Variants in CECR2 observed in about 807,000 individuals in gnomAD.
The protein encoded by CECR2 is chromatin remodeling regulator CECR2.
CECR2 carries 30 observed loss-of-function variants against 154.5 expected under a neutral mutation model. The observed-to-expected ratio is 0.19, with a 90% CI of 0.15 to 0.26. The LOEUF is 0.26. CECR2 is among the 10% of genes least tolerant of loss of function. CECR2 has a pLI of 1.00. For missense variants in CECR2, 1,743 were observed against 1,829.3 expected, an observed-to-expected ratio of 0.95 and a Z score of 0.86; for synonymous variants, 725 against 683.7, an observed-to-expected ratio of 1.06 and a Z score of -0.94.
Position 17,505,832 on chromosome 22 carries a change from C to T in CECR2, c.870+816C>T, listed in dbSNP as rs1294568407. ...GATTACAGGTGTGAGCCACTGCACC[C>T]GGCTTTTTTTTTTTTTTTTTTTTTT... On this transcript the variant is annotated intron_variant, in intron 7 of 18. Transcript: ENST00000262608. 2.4e-4 allele frequency among the ~76,000 whole-genome samples: 32 copies of T among 135,094 alleles called. 1 individual carries two copies. Among genetic ancestry groups the T allele is most frequent in the Admixed American group, 5.3e-4 (7 of 13,204 alleles). 88.6% of individuals were successfully genotyped at this position (135,094 alleles called of 152,430 possible).
chr22:17,397,887 A>G (rs1427643900), intron 1 of CECR2, among the ~76,000 whole-genome samples: 1 of 152,154 alleles, frequency 6.6e-6, no homozygotes, highest in Non-Finnish European at 1.5e-5. Flanking sequence ...GATGCTTAGT[A>G]TTGTTTGGAA....
chr22:17,398,077 T>C (rs2053839137), intron 1 of CECR2, among the ~76,000 whole-genome samples: 1 of 152,182 alleles, frequency 6.6e-6, no homozygotes, highest in African/African-American at 2.4e-5. Flanking sequence ...CATTTTCATT[T>C]TGACATTTAT....
chr22:17,548,598 C>A lies in CECR2; in HGVS notation c.3311C>A (p.Thr1104Lys). 1 of 1,613,608 alleles carries A rather than the reference C, an allele frequency of 6.2e-7. No individual in the cohort carries two copies. The highest frequency in any genetic ancestry group is 8.5e-7 in the Non-Finnish European group (1 of 1,179,750). The change falls in exon 17 of 19, where the codon ACA becomes AAA. Residue 1104 changes from threonine (T) to lysine (K), a missense_variant. Physicochemically the swap from Thr to Lys is moderately conservative, Grantham distance 78. Around this residue, in one of 4 missense-constraint regions of CECR2, gnomAD observed 1,250 missense variants for 1,192.1 expected, o/e 1.05. Coordinates refer to ENST00000262608, the MANE Select transcript of CECR2 (RefSeq NM_001290047.2). ...TGQNAATPPSTDPGLTGGTVS... is the reference protein window; with the variant it reads ...TGQNAATPPSKDPGLTGGTVS... ...CAGAACGCAGCGACACCGCCCAGCA[C>A]AGACCCCGGTTTGACGGGAGGCACT...
intron 8 of CECR2, among the ~76,000 whole-genome samples, chr22:17,520,797 T>C (rs1263213375): frequency 6.6e-6 from 1 of 152,188 alleles, no homozygotes; most frequent in Non-Finnish European, 1.5e-5. Flanking sequence ...CCATGGTGTA[T>C]ATGTGCCTCA....
chr22:17,419,541 GAGGA>G (rs2054211716), intron 1 of CECR2: 2 of 203,502 alleles, frequency 9.8e-6, no homozygotes, highest in Non-Finnish European at 1.8e-5. Context: ...GGAAGAGGAA[GAGGA>G]AGAGGAGGAG....
At position 17,557,813 on chromosome 22, in the gene CECR2, C is replaced by G. The variant is rs1204271115; in HGVS notation, c.*4973C>G. The G allele has an allele frequency of 6.6e-6, 1 of 152,212 alleles. No individual in the cohort carries two copies. Among genetic ancestry groups the G allele is most frequent in the Non-Finnish European group, 1.5e-5 (1 of 68,060 alleles). 9.4% of individuals were successfully genotyped at this position (152,212 alleles called of 1,614,324 possible). On this transcript the variant is annotated 3_prime_UTR_variant, in exon 19 of 19. Transcript: ENST00000262608. ...AGGGCTCAGGTACCTCACTCTCCTG[C>G]CTTGTGCGTAGCTCCTGGGGCCCCG... is the stretch of plus-strand genomic sequence containing the variant.
chr22:17,410,817 A>G (rs1156297613), intron 1 of CECR2, among the ~76,000 whole-genome samples: 1 of 152,128 alleles, frequency 6.6e-6, no homozygotes, highest in African/African-American at 2.4e-5. Context: ...TGCCTAGGTA[A>G]TTTATAACAC....
chr22:17,477,029 G>A lies in CECR2; in HGVS notation c.127-559G>A, dbSNP rs1008052740. 3.9e-5 allele frequency: 27 copies of A among 688,924 alleles called. No individual in the cohort carries two copies. In the East Asian group the frequency reaches 4.6e-4, roughly 12 times the overall value. 42.7% of individuals were successfully genotyped at this position (688,924 alleles called of 1,614,324 possible). On this transcript the variant is annotated intron_variant, in intron 1 of 18. Transcript: ENST00000262608. ...TGATGTAAGATTAGCCTTGGATCTC[G>A]CAATCACCTTTCATCAGCCATGTAG...
Position 17,409,379 on chromosome 22 carries a change from C to T in CECR2, c.126+39470C>T, listed in dbSNP as rs1043333618. On this transcript the variant is annotated intron_variant, in intron 1 of 18. Coordinates refer to ENST00000262608, the MANE Select transcript of CECR2 (RefSeq NM_001290047.2). ...GTCTCTTGACCTCGTGATCTGCCTG[C>T]CTCCCACCACACCCAGCTAATTTTT... is the stretch of plus-strand genomic sequence containing the variant. Among the ~76,000 whole-genome samples the T allele has an allele frequency of 4.5e-5, 5 of 111,228 alleles. 1 individual carries two copies. The highest frequency in any genetic ancestry group is 8.6e-5 in the Non-Finnish European group (4 of 46,596). 73.0% of individuals were successfully genotyped at this position (111,228 alleles called of 152,430 possible).
chr22:17,518,634 C>T (rs1208471536), intron 8 of CECR2: 2 of 439,938 alleles, frequency 4.5e-6, no homozygotes, highest in East Asian at 1.4e-4. Flanking sequence ...GCTTGGCACT[C>T]CATGCACACA....
In CECR2 at chr22:17,549,287, T is replaced by C; in HGVS notation, c.4000T>C (p.Ser1334Pro). Residue 1334 changes from serine to proline, a missense_variant, in exon 17 of 19, where the codon TCT becomes CCT. Around this residue, in one of 4 missense-constraint regions of CECR2, gnomAD observed 1,250 missense variants for 1,192.1 expected, o/e 1.05. Coordinates refer to ENST00000262608, the MANE Select transcript of CECR2 (RefSeq NM_001290047.2). ...GAGTTCAGGAATGGGATTTGGTTCA[T>C]CTGCATTTCCACCCCACAGTGTGAT... ...PLSSGMGFGSSAFPPHSVMLQ... is the reference protein window; with the variant it reads ...PLSSGMGFGSPAFPPHSVMLQ... 6.2e-7 allele frequency: 1 copy of C among 1,614,014 alleles called. No homozygotes were observed. Among genetic ancestry groups the C allele is most frequent in the East Asian group, 2.2e-5 (1 of 44,882 alleles).
chr22:17,532,700 C>CTTTTTTTTTTTTTTTTTTTTTTTT (rs695634), intron 9 of CECR2, among the ~76,000 whole-genome samples: 2 of 35,770 alleles, frequency 5.6e-5, no homozygotes, highest in African/African-American at 1.2e-4. Context: ...CATTATTATT[C>CTTTTTTTTTTTTTTTTTTTTTTTT]TTTTTTTTTT....
At chr22:17,425,921 G>A (rs1455263494) in intron 1 of CECR2, among the ~76,000 whole-genome samples, 1 of 152,190 alleles carries the variant, frequency 6.6e-6, no homozygotes, top group Non-Finnish European at 1.5e-5. Context: ...ATGGGACTGT[G>A]GGAAAGGCGT....
At chr22:17,520,198 T>C (rs1274107234) in intron 8 of CECR2, among the ~76,000 whole-genome samples, 1 of 152,254 alleles carries the variant, frequency 6.6e-6, no homozygotes, top group Non-Finnish European at 1.5e-5. Flanking sequence ...CCTGTACTGA[T>C]GAAAGAAGAA....
In CECR2 at chr22:17,552,889, T is replaced by G. The variant is rs2056730880; in HGVS notation, c.*49T>G. 7 of 1,545,132 alleles carry G rather than the reference T, an allele frequency of 4.5e-6. No homozygotes were observed. Among genetic ancestry groups the G allele is most frequent in the Non-Finnish European group, 5.2e-6 (6 of 1,143,964 alleles). ...GCAATGGAAAGCTGCACACGAAGAC[T>G]GGAATGTGGAGAACTGGGGAGTGCC... is the stretch of plus-strand genomic sequence containing the variant. On this transcript the variant is annotated 3_prime_UTR_variant, in exon 19 of 19. Coordinates refer to ENST00000262608, the MANE Select transcript of CECR2 (RefSeq NM_001290047.2).
rs73389126 is a variant in CECR2 at position 17,493,977 on chromosome 22, A to G, written c.222-3426A>G. ...TTAGTGTTTGTGGAACTTGGTGTAC[A>G]TTAGAAATTCTCGAAAGCATGCGGT... On this transcript the variant is annotated intron_variant, in intron 2 of 18. Coordinates refer to ENST00000262608, the MANE Select transcript of CECR2 (RefSeq NM_001290047.2). Among the ~76,000 whole-genome samples, 1,048 of 152,386 alleles carry G rather than the reference A, an allele frequency of 6.9e-3. 13 individuals are homozygous for G. Among genetic ancestry groups the G allele is most frequent in the African/African-American group, 0.024 (998 of 41,596 alleles).
At chr22:17,536,966 G>T in intron 9 of CECR2, 137 bp from the exon 10 acceptor site, 1 of 894,222 alleles carries the variant, frequency 1.1e-6, no homozygotes, top group Non-Finnish European at 1.7e-6. Context: ...CCAAAAAGAG[G>T]GTGGCACAGG....
At chr22:17,396,320 G>A (rs756743201) in intron 1 of CECR2, among the ~76,000 whole-genome samples, 1 of 152,064 alleles carries the variant, frequency 6.6e-6, no homozygotes, top group Non-Finnish European at 1.5e-5. Context: ...CAAGGCGGGT[G>A]GATCACCTGA....
chr22:17,524,819 G>A, intron 9 of CECR2: 1 of 385,084 alleles, frequency 2.6e-6, no homozygotes. Flanking sequence ...CTATAGGCGT[G>A]CCACCACACC....
Sources: allele counts gnomAD v4.1 joint callset (sites outside exome capture counted in the v4.1 genomes callset), GRCh38; gene constraint gnomAD v4.1.1; regional missense constraint gnomAD v4.1.1; transcripts MANE v1.5; gene names NCBI Gene and HGNC (gene_info 2026-07-23, HGNC 2026-07-21).